DHRSX: variants seen among roughly 807,000 people sequenced by gnomAD.
DHRSX encodes the protein polyprenol dehydrogenase.
Under a neutral mutation model 34.0 loss-of-function variants are expected in DHRSX, and 31 were observed. That is an observed-to-expected ratio of 0.91 (90% CI 0.69 to 1.23). The LOEUF is 1.23. DHRSX is among the 50% of genes most tolerant of loss of function. The probability of loss-of-function intolerance (pLI) is 0.00; values close to 1 mark genes in which losing one functional copy is unlikely to be tolerated. For missense variants in DHRSX, 414 were observed against 428.1 expected (o/e 0.97, Z 0.29); for synonymous variants, 201 against 183.8 (o/e 1.09, Z -0.76).
intron 3 of DHRSX, among the ~76,000 whole-genome samples, chrX:2,360,757 G>A (rs28537822): frequency 0.019 from 2,886 of 152,078 alleles, 33 homozygotes; most frequent in Non-Finnish European, 0.027. Context: ...AGTTGGTACC[G>A]AGACACGGCC....
chrX:2,313,439 G>A (rs1454147521), intron 3 of DHRSX, among the ~76,000 whole-genome samples: 2 of 151,596 alleles, frequency 1.3e-5, no homozygotes, highest in Admixed American at 6.6e-5. Context: ...TGCCATCTCG[G>A]CTCACTGCAA....
chrX:2,387,100 G>A (rs1013128815), intron 3 of DHRSX, among the ~76,000 whole-genome samples: 1 of 152,008 alleles, frequency 6.6e-6, no homozygotes, highest in African/African-American at 2.4e-5. Flanking sequence ...CCATTTCCAT[G>A]GATATTATTT....
intron 1 of DHRSX, among the ~76,000 whole-genome samples, chrX:2,472,896 C>T (rs1420979468): frequency 6.6e-6 from 1 of 152,108 alleles, no homozygotes; most frequent in African/African-American, 2.4e-5. Flanking sequence ...GGCAGGACTT[C>T]ACGTTGCCAA....
At chrX:2,419,108 T>G (rs1261372000) in intron 2 of DHRSX, among the ~76,000 whole-genome samples, 1 of 152,148 alleles carries the variant, frequency 6.6e-6, no homozygotes, top group Non-Finnish European at 1.5e-5. Flanking sequence ...AACTGAATGT[T>G]TGTATCCCTC....
At chrX:2,304,338 CTGA>C (rs2042074647) in intron 3 of DHRSX, among the ~76,000 whole-genome samples, 1 of 84,572 alleles carries the variant, frequency 1.2e-5, no homozygotes, top group African/African-American at 3.8e-5. Context: ...GATGGATGAA[CTGA>C]TGGATGGATG....
chrX:2,320,225 A>G (rs1232244391), intron 3 of DHRSX, among the ~76,000 whole-genome samples: 1 of 151,476 alleles, frequency 6.6e-6, no homozygotes, highest in Non-Finnish European at 1.5e-5. Flanking sequence ...ATTCATTTAC[A>G]TATTGCGCTG....
intron 6 of DHRSX, among the ~76,000 whole-genome samples, chrX:2,230,294 G>T (rs986067378): frequency 1.3e-5 from 2 of 152,198 alleles, no homozygotes; most frequent in African/African-American, 4.8e-5. Flanking sequence ...GCTGTGGGTT[G>T]TGCTAAACTT....
chrX:2,376,561 A>C (rs1480544494), intron 3 of DHRSX, among the ~76,000 whole-genome samples: 1 of 137,722 alleles, frequency 7.3e-6, no homozygotes, highest in African/African-American at 2.5e-5. Flanking sequence ...ATGAAAGCTC[A>C]CTTGGATATC....
At chrX:2,288,739 G>T (rs1480847746) in intron 4 of DHRSX, among the ~76,000 whole-genome samples, 1 of 152,224 alleles carries the variant, frequency 6.6e-6, no homozygotes, top group African/African-American at 2.4e-5. Context: ...AGTCTAGGAA[G>T]AAGTAAACCC....
chrX:2,404,970 G>C (rs1449459136), intron 3 of DHRSX, among the ~76,000 whole-genome samples: 1 of 152,228 alleles, frequency 6.6e-6, no homozygotes, highest in African/African-American at 2.4e-5. Flanking sequence ...CTGTGACATT[G>C]TACACTGGGC....
In DHRSX at chrX:2,291,717, T is replaced by A. The variant is rs116192205; in HGVS notation, c.287-114A>T. The A allele has an allele frequency of 6.8e-3, 5,331 of 780,946 alleles. 216 individuals carry two copies. The African/African-American group carries it at 0.081, about 12-fold the overall frequency. 48.4% of individuals were successfully genotyped at this position (780,946 alleles called of 1,614,324 possible). A position where few individuals can be genotyped will look rare whatever the true frequency, so the allele number is the denominator to read the frequency against. Reference sequence around the variant, plus strand: ...TCATCTAGGAAGTAACACTTTTTTTTTTTCTGCTCTTTTTGAGATGGAGTC... The same window carrying A: ...TCATCTAGGAAGTAACACTTTTTTTATTTCTGCTCTTTTTGAGATGGAGTC... On this transcript the variant is annotated intron_variant, in intron 3 of 6. Coordinates refer to ENST00000334651, the MANE Select transcript of DHRSX (RefSeq NM_145177.3).
At chrX:2,318,486 A>G (rs2042267514) in intron 3 of DHRSX, among the ~76,000 whole-genome samples, 1 of 151,656 alleles carries the variant, frequency 6.6e-6, no homozygotes, top group African/African-American at 2.4e-5. Context: ...GCCAAACCCC[A>G]TGCAAACCAA....
At chrX:2,358,420 G>A (rs149930411) in intron 3 of DHRSX, among the ~76,000 whole-genome samples, 4,508 of 152,180 alleles carry the variant, frequency 0.03, 215 homozygotes, top group African/African-American at 0.1. Flanking sequence ...GCAGCTGGCC[G>A]GGCGCGGTGG....
intron 6 of DHRSX, among the ~76,000 whole-genome samples, chrX:2,241,954 G>A (rs1254717486): frequency 6.6e-6 from 1 of 151,942 alleles, no homozygotes. Context: ...AACATTATCT[G>A]TTTTCGGGCC....
chrX:2,343,031 A>G (rs1393900631), intron 3 of DHRSX, among the ~76,000 whole-genome samples: 1 of 152,154 alleles, frequency 6.6e-6, no homozygotes, highest in Non-Finnish European at 1.5e-5. Flanking sequence ...CGAAAACATC[A>G]GCCTCATGAC....
At chrX:2,452,017 A>T (rs780699395) in intron 1 of DHRSX, among the ~76,000 whole-genome samples, 1 of 151,890 alleles carries the variant, frequency 6.6e-6, no homozygotes, top group Admixed American at 6.6e-5. Flanking sequence ...TTCCCTAAGT[A>T]TGTGGTTAAG....
chrX:2,263,504 TTTTC>T (rs1403985877), intron 5 of DHRSX, among the ~76,000 whole-genome samples: 16 of 147,454 alleles, frequency 1.1e-4, no homozygotes, highest in Non-Finnish European at 1.8e-4. Context: ...ACTATGGAAT[TTTTC>T]TTTCTTTTTT....
intron 5 of DHRSX, among the ~76,000 whole-genome samples, chrX:2,259,701 G>A (rs2041336839): frequency 6.6e-6 from 1 of 152,142 alleles, no homozygotes; most frequent in Non-Finnish European, 1.5e-5. Context: ...TTCTAGGGCA[G>A]GAACCCTTCC....
intron 3 of DHRSX, among the ~76,000 whole-genome samples, chrX:2,352,114 T>G (rs1353204901): frequency 6.6e-6 from 1 of 152,078 alleles, no homozygotes; most frequent in Non-Finnish European, 1.5e-5. Context: ...CTGGCAGTCA[T>G]AGGGGATCAG....
Sources: allele counts gnomAD v4.1 joint callset (sites outside exome capture counted in the v4.1 genomes callset), GRCh38; gene constraint gnomAD v4.1.1; transcripts MANE v1.5; gene names NCBI Gene and HGNC (gene_info 2026-07-23, HGNC 2026-07-21).